Variants in ACOT6 observed in about 807,000 individuals in gnomAD.
The protein encoded by ACOT6 is acyl-coenzyme A thioesterase 6.
A neutral mutation model predicts 12.3 loss-of-function variants in ACOT6; 14 were observed. That is an observed-to-expected ratio of 1.14 (90% CI 0.75 to 1.78). ACOT6 has a LOEUF of 1.78. Among genes scored for constraint, ACOT6 ranks in the 40% most tolerant of loss-of-function variants. ACOT6 has a pLI of 0.00. For missense variants in ACOT6, 523 were observed against 551.8 expected, an observed-to-expected ratio of 0.95 and a Z score of 0.52; for synonymous variants, 218 against 231.3, an observed-to-expected ratio of 0.94 and a Z score of 0.52.
chr14:73,614,597 A>T (rs562500543), intron 1 of ACOT6, among the ~76,000 whole-genome samples: 9 of 151,922 alleles, frequency 5.9e-5, no homozygotes, highest in Non-Finnish European at 1.2e-4. Flanking sequence ...ATACAAAAAA[A>T]TTAGCCAGGC....
intron 1 of ACOT6, among the ~76,000 whole-genome samples, chr14:73,614,731 A>G (rs1295603878): frequency 7.2e-6 from 1 of 138,850 alleles, no homozygotes; most frequent in Non-Finnish European, 1.5e-5. Flanking sequence ...TGGGCGACAG[A>G]GCGAGACCCT....
At chr14:73,614,112 G>A (rs1304073884) in intron 1 of ACOT6, among the ~76,000 whole-genome samples, 2 of 151,326 alleles carry the variant, frequency 1.3e-5, no homozygotes, top group African/African-American at 4.9e-5. Flanking sequence ...GAGGTGGGAG[G>A]ATTGTTTGAT....
intron 2 of ACOT6, 113 bp downstream of exon 2, chr14:73,617,305 A>G: frequency 7.1e-7 from 1 of 1,416,168 alleles, no homozygotes; most frequent in South Asian, 1.2e-5. Context: ...GGAGATACCA[A>G]GTCTCCTTCA....
rs58566789 is a variant in ACOT6, at chr14:73,615,415, C to G, written c.462-1579C>G. On this transcript the variant is annotated intron_variant, in intron 1 of 2. Coordinates refer to ENST00000645972, the MANE Select transcript of ACOT6 (RefSeq NM_001365788.1). ...AAAAAAAAAAAAAAAAAACAAAAAACAAAAAAAACCAGCAACAACGAAAAA... is the reference window on the plus strand; with the variant it reads ...AAAAAAAAAAAAAAAAAACAAAAAAGAAAAAAAACCAGCAACAACGAAAAA... Among the ~76,000 whole-genome samples, 5 of 55,072 alleles carry G rather than the reference C, an allele frequency of 9.1e-5. 1 individual carries two copies. Among genetic ancestry groups the G allele is most frequent in the Non-Finnish European group, 1.8e-4 (5 of 27,592 alleles). 36.1% of individuals were successfully genotyped at this position (55,072 alleles called of 152,430 possible). A position where few individuals can be genotyped will look rare whatever the true frequency, so the allele number is the denominator to read the frequency against.
upstream of ACOT6, among the ~76,000 whole-genome samples, chr14:73,611,201 A>T (rs1226999278): frequency 6.6e-6 from 1 of 152,156 alleles, no homozygotes. Flanking sequence ...GCTGGGCATC[A>T]CTATATGCTC....
At position 73,619,337 on chromosome 14, in the gene ACOT6, A is replaced by T. The variant is rs764299779; in HGVS notation, c.764A>T (p.Asn255Ile). The change falls in exon 3 of 3, where the codon AAT (asparagine) becomes ATT (isoleucine). Residue 255 changes from asparagine (N) to isoleucine (I), a missense_variant. Coordinates refer to ENST00000645972, the MANE Select transcript of ACOT6 (RefSeq NM_001365788.1). ...LKGITATVLINACVANTVAPL... is the reference protein window; with the variant it reads ...LKGITATVLIIACVANTVAPL... ...GGCATCACAGCCACTGTACTTATCAATGCCTGTGTAGCCAACACAGTAGCT... is the reference window on the plus strand; with the variant it reads ...GGCATCACAGCCACTGTACTTATCATTGCCTGTGTAGCCAACACAGTAGCT... 1 of 1,614,160 alleles carries T rather than the reference A, an allele frequency of 6.2e-7. No homozygotes were observed. Among genetic ancestry groups the T allele is most frequent in the South Asian group, 1.1e-5 (1 of 91,076 alleles).
intron 2 of ACOT6, among the ~76,000 whole-genome samples, chr14:73,617,634 ACT>A (rs1271698265): frequency 6.6e-6 from 1 of 152,118 alleles, no homozygotes; most frequent in Non-Finnish European, 1.5e-5. Flanking sequence ...TAAGGCAGTT[ACT>A]CTCTCTGGAG....
chr14:73,614,063 T>A (rs1890494400), intron 1 of ACOT6, among the ~76,000 whole-genome samples: 1 of 144,736 alleles, frequency 6.9e-6, no homozygotes. Context: ...TAGGCAGGCA[T>A]GGTGGTGCAT....
At chr14:73,618,059 C>T (rs1290513681) in intron 2 of ACOT6, among the ~76,000 whole-genome samples, 2 of 152,002 alleles carry the variant, frequency 1.3e-5, no homozygotes, top group African/African-American at 4.8e-5. Flanking sequence ...AGGAGAATTG[C>T]TCGAACTCAG....
Position 73,612,877 on chromosome 14 carries a change from C to T in ACOT6, c.306C>T (p.Phe102=). The part of the protein sequence containing the change: ...RLVKRDVRTP[F]AVELEVLDGH... ...TGAAGCGCGACGTGCGGACGCCCTT[C>T]GCCGTGGAGCTGGAAGTGCTGGACG... The change falls in exon 1 of 3, where the codon TTC becomes TTT. Residue 102 remains phenylalanine, a synonymous_variant. Coordinates refer to ENST00000645972, the MANE Select transcript of ACOT6 (RefSeq NM_001365788.1). 1 of 1,397,706 alleles carries T rather than the reference C, an allele frequency of 7.2e-7. No individual in the cohort carries two copies. Among genetic ancestry groups the T allele is most frequent in the Non-Finnish European group, 9.6e-7 (1 of 1,046,356 alleles). The allele number at this position is 1,397,706 out of a possible 1,614,324, so 86.6% of individuals were successfully genotyped here.
Position 73,618,576 on chromosome 14 carries a change from A to G in ACOT6, c.661-658A>G, listed in dbSNP as rs1890578063. 1.4e-5 allele frequency among the ~76,000 whole-genome samples: 2 copies of G among 146,294 alleles called. 1 individual carries two copies. The highest frequency in any genetic ancestry group is 5.6e-5 in the African/African-American group (2 of 35,914). Reference sequence around the variant, plus strand: ...AGTGGATTCCAAGATTTTAAATTTGAGCCTGAACTTATGAATTGTTATGGT... The same window carrying G: ...AGTGGATTCCAAGATTTTAAATTTGGGCCTGAACTTATGAATTGTTATGGT... On this transcript the variant is annotated intron_variant, in intron 2 of 2. Transcript: ENST00000645972.
Position 73,619,467 on chromosome 14 carries a change from T to A in ACOT6, c.894T>A (p.Asn298Lys), listed in dbSNP as rs775420065. 6.2e-7 allele frequency: 1 copy of A among 1,614,192 alleles called. No individual in the cohort carries two copies. Among genetic ancestry groups the A allele is most frequent in the East Asian group, 2.2e-5 (1 of 44,884 alleles). The change falls in exon 3 of 3, where the codon AAT becomes AAA. Residue 298 changes from asparagine to lysine, a missense_variant. Coordinates refer to ENST00000645972, the MANE Select transcript of ACOT6 (RefSeq NM_001365788.1). ...TCACTTTTATGGACACTTGGAGCAA[T>A]CCACTGGAGGAACACAATCACCAAA... ...GFLTFMDTWS[N>K]PLEEHNHQSL...
intron 2 of ACOT6, among the ~76,000 whole-genome samples, chr14:73,618,885 C>G (rs759880976): frequency 3.9e-5 from 6 of 152,166 alleles, no homozygotes; most frequent in Non-Finnish European, 8.8e-5. Context: ...AATCCCAGCA[C>G]TTTGGGAGGC....
intron 2 of ACOT6, 36 bp from the exon 3 acceptor site, chr14:73,619,198 T>G: frequency 6.6e-7 from 1 of 1,525,420 alleles, no homozygotes. Context: ...CATTTATGAA[T>G]TCTAAGCTTG....
Position 73,619,408 on chromosome 14 carries a change from C to G in ACOT6, c.835C>G (p.Leu279Val), listed in dbSNP as rs201742178. 1.1e-5 allele frequency: 17 copies of G among 1,614,142 alleles called. No individual in the cohort carries two copies. In the South Asian group the frequency reaches 1.5e-4, roughly 15 times the overall value. ...DMIIPKLVDD[L>V]GKVKITKSGF... ...GATTATTCCTAAACTTGTCGATGAT[C>G]TAGGAAAAGTAAAAATCACTAAGTC... Residue 279 changes from leucine to valine, a missense_variant, in exon 3 of 3, where the codon CTA (leucine) becomes GTA (valine). Around this residue, in one of 2 missense-constraint regions of ACOT6, gnomAD observed 219 missense variants for 277.0 expected, o/e 0.79. Coordinates refer to ENST00000645972, the MANE Select transcript of ACOT6 (RefSeq NM_001365788.1).
rs762916051 is a variant in ACOT6, at chr14:73,619,326, T to C, written c.753T>C (p.Thr251=). ...MASFLKGITA[T]VLINACVANT... The stretch of plus-strand genomic sequence containing the variant: ...CTTTCTTGAAGGGCATCACAGCCAC[T>C]GTACTTATCAATGCCTGTGTAGCCA... Residue 251 remains threonine (T), a synonymous_variant, in exon 3 of 3, where the codon ACT becomes ACC. Transcript: ENST00000645972. 2.5e-6 allele frequency: 4 copies of C among 1,614,046 alleles called. No individual in the cohort carries two copies. The African/African-American group carries it at 5.3e-5, about 22-fold the overall frequency.
chr14:73,617,709 TA>T lies in ACOT6; in HGVS notation c.660+518del, dbSNP rs558391471. Among the ~76,000 whole-genome samples, 10 of 152,128 alleles carry T rather than the reference TA, an allele frequency of 6.6e-5. No individual in the cohort carries two copies. In the East Asian group the frequency reaches 7.7e-4, roughly 12 times the overall value. On this transcript the variant is annotated intron_variant, in intron 2 of 2. Coordinates refer to ENST00000645972, the MANE Select transcript of ACOT6 (RefSeq NM_001365788.1). Reference sequence around the variant, plus strand: ...TATAGAGAAAATGACTATAAAGAGATATTTTTTGAGACAACTGGAGACATTT... The same window carrying T: ...TATAGAGAAAATGACTATAAAGAGATTTTTTTGAGACAACTGGAGACATTT...
intron 1 of ACOT6, among the ~76,000 whole-genome samples, chr14:73,615,388 T>TACAA (rs1890517020): frequency 1.6e-5 from 1 of 63,338 alleles, no homozygotes; most frequent in Non-Finnish European, 2.7e-5. Context: ...CTCTGTCTGA[T>TACAA]AAAAAAAAAA....
chr14:73,612,462 G>C (rs751630056), upstream of ACOT6: 2 of 714,894 alleles, frequency 2.8e-6, no homozygotes, highest in African/African-American at 3.7e-5. Flanking sequence ...CAACCAATGG[G>C]AGTAGTGTTA....
Sources: allele counts gnomAD v4.1 joint callset (sites outside exome capture counted in the v4.1 genomes callset), GRCh38; gene constraint gnomAD v4.1.1; regional missense constraint gnomAD v4.1.1; transcripts MANE v1.5; gene names NCBI Gene and HGNC (gene_info 2026-07-23, HGNC 2026-07-21).